The following ZNRF3 variants were observed in gnomAD, a reference collection of about 807,000 sequenced individuals.
ZNRF3 encodes the protein zinc and ring finger 3, also known as E3 ubiquitin-protein ligase ZNRF3.
Under a neutral mutation model 72.5 loss-of-function variants are expected in ZNRF3, and 23 were observed. The ratio of observed to expected loss-of-function variants is 0.32; its 90% CI spans 0.23 to 0.45. The LOEUF is 0.45. ZNRF3 is among the 20% of genes least tolerant of loss of function. The probability of loss-of-function intolerance (pLI) is 1.00; values close to 1 mark genes in which losing one functional copy is unlikely to be tolerated. For synonymous variants in ZNRF3, 610 were observed against 545.3 expected, an observed-to-expected ratio of 1.12 and a Z score of -1.65; for missense variants, 1,169 against 1,272.1, an observed-to-expected ratio of 0.92 and a Z score of 1.23.
chr22:28,886,217 G>C (rs940944712), intron 1 of ZNRF3, among the ~76,000 whole-genome samples: 3 of 152,336 alleles, frequency 2.0e-5, no homozygotes, highest in African/African-American at 7.2e-5. Flanking sequence ...TATGAGTTCT[G>C]CAAATACTGT....
At chr22:28,990,448 G>T (rs1023520345) in intron 2 of ZNRF3, among the ~76,000 whole-genome samples, 2 of 152,194 alleles carry the variant, frequency 1.3e-5, no homozygotes, top group East Asian at 1.9e-4. Flanking sequence ...ACTTTGGGAG[G>T]CCGTGCCGGG....
chr22:28,904,591 T>G (rs2034169106), intron 1 of ZNRF3, among the ~76,000 whole-genome samples: 2 of 152,122 alleles, frequency 1.3e-5, no homozygotes, highest in Non-Finnish European at 2.9e-5. Flanking sequence ...GTGTGTGCTT[T>G]CTTTTTCTTC....
At chr22:28,898,926 GTTTTTTTTTT>G (rs34713478) in intron 1 of ZNRF3, among the ~76,000 whole-genome samples, 1,249 of 114,102 alleles carry the variant, frequency 0.011, 26 homozygotes, top group African/African-American at 0.038. Flanking sequence ...ACATGCTGAG[GTTTTTTTTTT>G]TTTTTTTTTT....
At chr22:29,006,236 A>T (rs1459361442) in intron 2 of ZNRF3, among the ~76,000 whole-genome samples, 12 of 52,154 alleles carry the variant, frequency 2.3e-4, no homozygotes, top group African/African-American at 8.1e-4. Flanking sequence ...TTTTTTTGAG[A>T]CAGTTTTGTT....
chr22:29,027,616 C>A (rs1295452584), intron 2 of ZNRF3, among the ~76,000 whole-genome samples: 3 of 152,196 alleles, frequency 2.0e-5, no homozygotes, highest in Non-Finnish European at 2.9e-5. Flanking sequence ...CACTGACCAC[C>A]CTCTGCCAGA....
At chr22:29,029,368 A>G (rs935906702) in intron 2 of ZNRF3, among the ~76,000 whole-genome samples, 8 of 152,212 alleles carry the variant, frequency 5.3e-5, no homozygotes, top group Non-Finnish European at 1.2e-4. Flanking sequence ...CATGTAATCA[A>G]AATAATCTTC....
Position 29,053,681 on chromosome 22 carries a change from C to A in ZNRF3, c.*59C>A. The A allele has an allele frequency of 6.6e-7, 1 of 1,525,538 alleles. No homozygotes were observed. Among genetic ancestry groups the A allele is most frequent in the Non-Finnish European group, 8.9e-7 (1 of 1,129,934 alleles). The allele number at this position is 1,525,538 out of a possible 1,614,324, so 94.5% of individuals were successfully genotyped here. A position where few individuals can be genotyped will look rare whatever the true frequency, so the allele number is the denominator to read the frequency against. ...CTGTATGGAGACTCCAAACTGACTT[C>A]TTTCAAAAAACAAAAACAAAAAATT... is the stretch of plus-strand genomic sequence containing the variant. On this transcript the variant is annotated 3_prime_UTR_variant, in exon 9 of 9. Transcript: ENST00000544604.
chr22:28,943,556 A>C (rs1006534480), intron 1 of ZNRF3, among the ~76,000 whole-genome samples: 4 of 152,180 alleles, frequency 2.6e-5, no homozygotes, highest in African/African-American at 7.2e-5. Flanking sequence ...GTGCCGAATC[A>C]AACAGTTTTA....
intron 2 of ZNRF3, among the ~76,000 whole-genome samples, chr22:29,001,059 C>CTTTTTTTT (rs773296494): frequency 2.6e-5 from 2 of 77,898 alleles, no homozygotes; most frequent in East Asian, 4.8e-4. Context: ...AAAGCTTTGC[C>CTTTTTTTT]TTTTTTTTTT....
chr22:28,999,702 T>A (rs527586732), intron 2 of ZNRF3, among the ~76,000 whole-genome samples: 1 of 152,336 alleles, frequency 6.6e-6, no homozygotes, highest in Admixed American at 6.5e-5. Flanking sequence ...TGCAGGTTGC[T>A]GGGGCTACCA....
At chr22:29,034,389 C>T (rs1013718441) in intron 2 of ZNRF3, among the ~76,000 whole-genome samples, 5 of 152,202 alleles carry the variant, frequency 3.3e-5, no homozygotes, top group African/African-American at 9.6e-5. Context: ...CAGCCTTCCA[C>T]CTGTGAGTTA....
chr22:28,985,235 G>C (rs2035835574), intron 1 of ZNRF3, among the ~76,000 whole-genome samples: 1 of 152,120 alleles, frequency 6.6e-6, no homozygotes, highest in South Asian at 2.1e-4. Context: ...CTGTAATGCT[G>C]TCTTGGTGTC....
rs1409954659 is a variant in ZNRF3, at chr22:29,049,134, C to G, written c.1016-63C>G. On this transcript the variant is annotated intron_variant, in intron 7 of 8. Coordinates refer to ENST00000544604, the MANE Select transcript of ZNRF3 (RefSeq NM_001206998.2). The surrounding 1 kb of genome is among the most constrained non-coding windows in gnomAD (Gnocchi z 5.2). Reference sequence around the variant, plus strand: ...TCAGCCTTTGCCCGTTTTAAAAATCCCTTTAGCCTCTGACACCAGTATGCT... The same window carrying G: ...TCAGCCTTTGCCCGTTTTAAAAATCGCTTTAGCCTCTGACACCAGTATGCT... 6.7e-7 allele frequency: 1 copy of G among 1,502,990 alleles called. No individual in the cohort carries two copies. The highest frequency in any genetic ancestry group is 8.9e-7 in the Non-Finnish European group (1 of 1,119,042). 93.1% of individuals were successfully genotyped at this position (1,502,990 alleles called of 1,614,324 possible). A position where few individuals can be genotyped will look rare whatever the true frequency, so the allele number is the denominator to read the frequency against.
chr22:28,925,464 T>A (rs2034583717), intron 1 of ZNRF3, among the ~76,000 whole-genome samples: 1 of 152,144 alleles, frequency 6.6e-6, no homozygotes, highest in Non-Finnish European at 1.5e-5. Context: ...CCCATGCACA[T>A]TGAATTGTCT....
At chr22:28,948,786 A>T (rs974889852) in intron 1 of ZNRF3, among the ~76,000 whole-genome samples, 1 of 152,236 alleles carries the variant, frequency 6.6e-6, no homozygotes, top group Non-Finnish European at 1.5e-5. Context: ...AACCATGTCA[A>T]TGAACTATTC....
chr22:28,928,042 C>T (rs1173136869), intron 1 of ZNRF3, among the ~76,000 whole-genome samples: 1 of 152,176 alleles, frequency 6.6e-6, no homozygotes, highest in Non-Finnish European at 1.5e-5. Flanking sequence ...CCACCATCTC[C>T]AGTTTGATTT....
intron 1 of ZNRF3, among the ~76,000 whole-genome samples, chr22:28,913,292 GAATT>G (rs2034351476): frequency 6.6e-6 from 1 of 152,224 alleles, no homozygotes; most frequent in Non-Finnish European, 1.5e-5. Flanking sequence ...GCACAGTAGT[GAATT>G]AATGGCTCTG....
intron 2 of ZNRF3, among the ~76,000 whole-genome samples, chr22:28,995,490 A>G (rs756029720): frequency 6.6e-5 from 10 of 152,190 alleles, no homozygotes; most frequent in South Asian, 6.2e-4. Flanking sequence ...CCAGAACCTG[A>G]TATGTACCAC....
chr22:29,009,504 A>G (rs1235867562), intron 2 of ZNRF3, among the ~76,000 whole-genome samples: 1 of 152,158 alleles, frequency 6.6e-6, no homozygotes, highest in Non-Finnish European at 1.5e-5. Flanking sequence ...AGGGAACAGG[A>G]TGTGCTTAGG....
Sources: allele counts gnomAD v4.1 joint callset (sites outside exome capture counted in the v4.1 genomes callset), GRCh38; gene constraint gnomAD v4.1.1; non-coding constraint Gnocchi (gnomAD v3.1); transcripts MANE v1.5; gene names NCBI Gene and HGNC (gene_info 2026-07-23, HGNC 2026-07-21).